CTNNA3: variants seen among roughly 807,000 people sequenced by gnomAD.
CTNNA3 encodes catenin alpha-3.
A neutral mutation model predicts 95.7 loss-of-function variants in CTNNA3; 76 were observed. The ratio of observed to expected loss-of-function variants is 0.79; its 90% CI spans 0.66 to 0.96. The LOEUF is 0.96. Ranked by LOEUF, CTNNA3 falls within the 40% of genes least tolerant of loss-of-function variation. The probability of loss-of-function intolerance (pLI) is 0.00; values close to 1 mark genes in which losing one functional copy is unlikely to be tolerated. For synonymous variants in CTNNA3, 431 were observed against 374.4 expected (o/e 1.15, Z -1.74); for missense variants, 1,191 against 1,089.8 (o/e 1.09, Z -1.31).
At chr10:66,351,136 A>G (rs573608827) in intron 12 of CTNNA3, among the ~76,000 whole-genome samples, 37 of 152,188 alleles carry the variant, frequency 2.4e-4, no homozygotes, top group African/African-American at 8.2e-4. Context: ...TCAGTGAATC[A>G]TGCTTCTACA....
chr10:66,495,168 C>T (rs1337723260), intron 11 of CTNNA3, among the ~76,000 whole-genome samples: 1 of 152,132 alleles, frequency 6.6e-6, no homozygotes, highest in African/African-American at 2.4e-5. Context: ...ATGGCATATG[C>T]ATAAACCACT....
Position 67,394,787 on chromosome 10 carries a change from AT to A in CTNNA3, c.579+127054del, listed in dbSNP as rs576859595. On this transcript the variant is annotated intron_variant, in intron 5 of 17. Coordinates refer to ENST00000433211, the MANE Select transcript of CTNNA3 (RefSeq NM_013266.4). ...TCCCCTGGGCCAATGTATTTGTGGCATTTTTTTTTATTACTACATAGCTCAA... is the reference window on the plus strand; with the variant it reads ...TCCCCTGGGCCAATGTATTTGTGGCATTTTTTTTATTACTACATAGCTCAA... Among the ~76,000 whole-genome samples, 150 of 151,494 alleles carry A rather than the reference AT, an allele frequency of 9.9e-4. 1 individual carries two copies. The highest frequency in any genetic ancestry group is 3.4e-3 in the African/African-American group (142 of 41,374).
chr10:66,309,598 A>G (rs570468187), intron 12 of CTNNA3, among the ~76,000 whole-genome samples: 1 of 140,216 alleles, frequency 7.1e-6, no homozygotes, highest in South Asian at 2.4e-4. Context: ...AGGCAGGGGA[A>G]TGGTGTGAAC....
intron 13 of CTNNA3, among the ~76,000 whole-genome samples, chr10:66,238,691 T>C (rs1001417932): frequency 2.4e-4 from 37 of 151,884 alleles, no homozygotes; most frequent in African/African-American, 8.2e-4. Context: ...AATATATATA[T>C]ATATATAATT....
chr10:67,581,624 A>G (rs190448670), intron 3 of CTNNA3, among the ~76,000 whole-genome samples: 60 of 152,332 alleles, frequency 3.9e-4, no homozygotes, highest in African/African-American at 1.4e-3. Context: ...GAATAGTTTC[A>G]GAAGGAATGG....
At chr10:66,274,971 C>G (rs1368841146) in intron 13 of CTNNA3, among the ~76,000 whole-genome samples, 1 of 151,930 alleles carries the variant, frequency 6.6e-6, no homozygotes, top group Non-Finnish European at 1.5e-5. Context: ...ATTATTACCG[C>G]TTATTTTATA....
At chr10:67,145,402 C>A (rs963604618) in intron 7 of CTNNA3, among the ~76,000 whole-genome samples, 3 of 150,988 alleles carry the variant, frequency 2.0e-5, no homozygotes, top group Admixed American at 6.6e-5. Flanking sequence ...AATAAAGGAA[C>A]TAAGCTGACA....
At chr10:66,764,686 C>T (rs985292810) in intron 9 of CTNNA3, among the ~76,000 whole-genome samples, 1 of 152,188 alleles carries the variant, frequency 6.6e-6, no homozygotes, top group Non-Finnish European at 1.5e-5. Flanking sequence ...ACTTTTATGA[C>T]TGTCAGGGAC....
At chr10:66,110,018 T>G (rs1278300483) in intron 13 of CTNNA3, among the ~76,000 whole-genome samples, 4 of 152,112 alleles carry the variant, frequency 2.6e-5, no homozygotes, top group Non-Finnish European at 4.4e-5. Context: ...AAATTCTAAT[T>G]AACAAATCTA....
chr10:67,731,564 A>G (rs1175436312), intron 1 of CTNNA3, among the ~76,000 whole-genome samples: 1 of 151,944 alleles, frequency 6.6e-6, no homozygotes, highest in Non-Finnish European at 1.5e-5. Context: ...GCACTTTGGG[A>G]GGCCGAGGCA....
chr10:66,112,695 T>C (rs2082163854), intron 13 of CTNNA3, among the ~76,000 whole-genome samples: 1 of 152,116 alleles, frequency 6.6e-6, no homozygotes. Context: ...AAAACATTAG[T>C]TACCTCATAT....
intron 12 of CTNNA3, among the ~76,000 whole-genome samples, chr10:66,322,001 G>A (rs1449724646): frequency 1.3e-5 from 2 of 152,112 alleles, no homozygotes; most frequent in Non-Finnish European, 2.9e-5. Flanking sequence ...AACACTGAAA[G>A]TGAGACTAGG....
At chr10:66,888,712 A>G (rs888330024) in intron 7 of CTNNA3, among the ~76,000 whole-genome samples, 2 of 152,204 alleles carry the variant, frequency 1.3e-5, no homozygotes, top group Non-Finnish European at 2.9e-5. Flanking sequence ...CCAAAACACT[A>G]TAACACCAAA....
At chr10:66,056,251 AT>A (rs2080084913) in intron 15 of CTNNA3, among the ~76,000 whole-genome samples, 1 of 152,140 alleles carries the variant, frequency 6.6e-6, no homozygotes, top group Admixed American at 6.6e-5. Context: ...GGGATGTTGA[AT>A]GTTATCAGAT....
intron 7 of CTNNA3, among the ~76,000 whole-genome samples, chr10:67,120,798 C>G (rs1300068031): frequency 6.6e-6 from 1 of 151,920 alleles, no homozygotes; most frequent in Non-Finnish European, 1.5e-5. Context: ...TTTTGTAATG[C>G]GTAAGTCTTT....
chr10:65,923,838 A>G (rs967154912), intron 17 of CTNNA3, among the ~76,000 whole-genome samples: 8 of 152,322 alleles, frequency 5.3e-5, no homozygotes, highest in African/African-American at 1.7e-4. Context: ...AGGGCCATAC[A>G]TAAAAGGAAA....
intron 11 of CTNNA3, among the ~76,000 whole-genome samples, chr10:66,468,390 A>G (rs1589292483): frequency 6.6e-6 from 1 of 152,064 alleles, no homozygotes; most frequent in Non-Finnish European, 1.5e-5. Flanking sequence ...TTCCTGAACT[A>G]CATATTAATG....
chr10:67,317,147 TATC>T (rs1335367220), intron 5 of CTNNA3, among the ~76,000 whole-genome samples: 1 of 150,670 alleles, frequency 6.6e-6, no homozygotes, highest in East Asian at 2.0e-4. Flanking sequence ...AAGCAGCACA[TATC>T]ATCGGGTTTT....
At chr10:66,353,995 G>C (rs114836713) in intron 12 of CTNNA3, among the ~76,000 whole-genome samples, 1 of 151,958 alleles carries the variant, frequency 6.6e-6, no homozygotes, top group South Asian at 2.1e-4. Context: ...AAAATTCCGT[G>C]AACACGGCCA....
Sources: gnomAD v4.1 joint callset for allele counts (sites outside exome capture counted in the v4.1 genomes callset) on GRCh38, gnomAD v4.1.1 for gene constraint, MANE v1.5 for transcripts, NCBI Gene and HGNC (gene_info 2026-07-23, HGNC 2026-07-21) for gene names.